Variants in ATP11C observed in about 807,000 individuals in gnomAD.
ATP11C encodes phospholipid-transporting ATPase IG.
Under a neutral mutation model 97.4 loss-of-function variants are expected in ATP11C, and 36 were observed. The ratio of observed to expected loss-of-function variants is 0.37; its 90% CI spans 0.28 to 0.49. The LOEUF (loss-of-function observed/expected upper bound fraction) is 0.49. Ranked by LOEUF, ATP11C falls within the 20% of genes least tolerant of loss-of-function variation. The probability of loss-of-function intolerance (pLI) is 0.98; values close to 1 mark genes in which losing one functional copy is unlikely to be tolerated. For missense variants in ATP11C, 730 were observed against 824.6 expected (o/e 0.89, Z 1.40); for synonymous variants, 275 against 290.9 (o/e 0.95, Z 0.56).
At position 139,911,645 on chromosome X, in the gene ATP11C, T is replaced by A. The variant is rs1487045928; in HGVS notation, c.27+20371A>T. Among the ~76,000 whole-genome samples the A allele has an allele frequency of 2.7e-5, 3 of 111,005 alleles. No individual in the cohort carries two copies. The East Asian group carries it at 8.4e-4, about 31-fold the overall frequency. ...ACATACAGTTTTGTGTTTCTATGTA[T>A]ATGCAAATCCTACACACACACACAC... On this transcript the variant is annotated intron_variant, in intron 1 of 29. Transcript: ENST00000682941.
At position 139,788,223 on chromosome X, in the gene ATP11C, C is replaced by A; in HGVS notation, c.1489G>T (p.Asp497Tyr). ...GCTCCTTTCACCAAAGCTATTTCATCTGGTGAAGAGGAGATATAGGTTAAT... is the reference window on the plus strand; with the variant it reads ...GCTCCTTTCACCAAAGCTATTTCATATGGTGAAGAGGAGATATAGGTTAAT... ...AELTYISSSP[D>Y]EIALVKGAKR... Residue 497 changes from aspartate to tyrosine, a missense_variant, in exon 14 of 30, where the codon GAT becomes TAT. Physicochemically the swap from Asp to Tyr is radical, Grantham distance 160. Coordinates refer to ENST00000682941, the MANE Select transcript of ATP11C (RefSeq NM_001353812.2). 8.3e-7 allele frequency: 1 copy of A among 1,207,038 alleles called. No homozygotes were observed. Among genetic ancestry groups the A allele is most frequent in the Non-Finnish European group, 1.1e-6 (1 of 892,819 alleles).
intron 1 of ATP11C, among the ~76,000 whole-genome samples, chrX:139,919,931 AAAAAG>A (rs1025731945): frequency 8.0e-5 from 9 of 111,897 alleles, no homozygotes; most frequent in Non-Finnish European, 1.7e-4. Context: ...TAAAAAAATA[AAAAAG>A]AAAGGACAAA....
chrX:139,729,592 T>A, intron 29 of ATP11C, among the ~76,000 whole-genome samples: 1 of 112,064 alleles, frequency 8.9e-6, no homozygotes, highest in Non-Finnish European at 1.9e-5. Context: ...TTATGCTTCA[T>A]CTTTTTGGAA....
chrX:139,736,989 G>A (rs1173630785), intron 28 of ATP11C, among the ~76,000 whole-genome samples: 3 of 111,303 alleles, frequency 2.7e-5, no homozygotes, highest in African/African-American at 6.5e-5. Context: ...AAATCATGAT[G>A]TAACAGTTTT....
chrX:139,830,086 A>T (rs2083613391), intron 1 of ATP11C, among the ~76,000 whole-genome samples: 1 of 112,266 alleles, frequency 8.9e-6, no homozygotes, highest in African/African-American at 3.2e-5. Flanking sequence ...TGGCAAAAGG[A>T]TCTGAAATAA....
In ATP11C at chrX:139,910,473, G is replaced by A. The variant is rs1410881187; in HGVS notation, c.27+21543C>T. 2.7e-5 allele frequency among the ~76,000 whole-genome samples: 3 copies of A among 110,047 alleles called. No homozygotes were observed. The East Asian group carries it at 8.6e-4, about 31-fold the overall frequency. ...TACAAAAAATTAGCCGGGCATGGTG[G>A]CAGGTGCCTACAATCCCAGCTACTC... On this transcript the variant is annotated intron_variant, in intron 1 of 29. Transcript: ENST00000682941.
intron 19 of ATP11C, among the ~76,000 whole-genome samples, chrX:139,771,329 G>C (rs941869817): frequency 3.5e-4 from 39 of 111,686 alleles, no homozygotes; most frequent in African/African-American, 1.3e-3. Context: ...ATGTGGAACT[G>C]TAAGTCCAAT....
At chrX:139,851,442 A>G (rs147205287) in intron 1 of ATP11C, among the ~76,000 whole-genome samples, 1,237 of 112,629 alleles carry the variant, frequency 0.011, 8 homozygotes, top group Middle Eastern at 0.018. Flanking sequence ...GAGACTTGTC[A>G]GAGGGGTGGA....
In ATP11C at chrX:139,774,950, T is replaced by C. The variant is rs2082321212; in HGVS notation, c.1956A>G (p.Leu652=). Residue 652 remains leucine, a synonymous_variant, in exon 19 of 30, where the codon CTA becomes CTG. Coordinates refer to ENST00000682941, the MANE Select transcript of ATP11C (RefSeq NM_001353812.2). Reference sequence around the variant, plus strand: ...CAATGGTCTCTGCAGCTTGATCTTGTAGCCTGGGAACACAAAAGAAACCTT... The same window carrying C: ...CAATGGTCTCTGCAGCTTGATCTTGCAGCCTGGGAACACAAAAGAAACCTT... ...LIGATAVEDK[L]QDQAAETIEA... 10 of 1,195,496 alleles carry C rather than the reference T, an allele frequency of 8.4e-6. No homozygotes were observed. The highest frequency in any genetic ancestry group is 1.9e-5 in the South Asian group (1 of 53,728).
Position 139,737,853 on chromosome X carries a change from A to G in ATP11C, c.3288+63T>C. On this transcript the variant is annotated intron_variant, in intron 28 of 29. Transcript: ENST00000682941. The stretch of plus-strand genomic sequence containing the variant: ...ATGTAATTTTCTAAATCAGGTTTTT[A>G]GCTCATGGCAGATATTGAGGCCCCT... The G allele has an allele frequency of 2.7e-6, 3 of 1,094,188 alleles. 1 individual carries two copies. In the South Asian group the frequency reaches 5.8e-5, roughly 21 times the overall value. 90.2% of individuals were successfully genotyped at this position (1,094,188 alleles called of 1,213,427 possible). A position where few individuals can be genotyped will look rare whatever the true frequency, so the allele number is the denominator to read the frequency against.
chrX:139,909,874 A>T (rs2085045165), intron 1 of ATP11C: 4 of 111,753 alleles, frequency 3.6e-5, no homozygotes, highest in Non-Finnish European at 7.5e-5. Context: ...AGAGAAAGAG[A>T]AGTAGGAGTA....
intron 23 of ATP11C, among the ~76,000 whole-genome samples, chrX:139,756,478 T>C (rs2081937040): frequency 8.9e-6 from 1 of 112,007 alleles, no homozygotes; most frequent in African/African-American, 3.2e-5. Flanking sequence ...TTACTGGGTA[T>C]ATACCCAAAG....
chrX:139,804,348 A>C, intron 6 of ATP11C, 123 bp downstream of exon 6: 1 of 550,559 alleles, frequency 1.8e-6, no homozygotes, highest in South Asian at 7.2e-5. Flanking sequence ...AGCTCTTTTC[A>C]AATATAAAAC....
intron 1 of ATP11C, among the ~76,000 whole-genome samples, chrX:139,878,224 C>T (rs1018002777): frequency 2.7e-5 from 3 of 111,355 alleles, no homozygotes; most frequent in Non-Finnish European, 5.6e-5. Context: ...GCAAATAATG[C>T]ACAGACAAAG....
chrX:139,915,495 C>T (rs1314038180), intron 1 of ATP11C, among the ~76,000 whole-genome samples: 1 of 109,951 alleles, frequency 9.1e-6, no homozygotes, highest in Non-Finnish European at 1.9e-5. Context: ...CACAGTGAAA[C>T]CCTGACTCTA....
chrX:139,850,249 G>A (rs937229859), intron 1 of ATP11C, among the ~76,000 whole-genome samples: 1 of 111,236 alleles, frequency 9.0e-6, no homozygotes. Flanking sequence ...ATTCTGATGA[G>A]GGCTCGGAAG....
intron 1 of ATP11C, among the ~76,000 whole-genome samples, chrX:139,925,809 A>G (rs930028872): frequency 2.7e-5 from 3 of 112,060 alleles, no homozygotes; most frequent in Non-Finnish European, 3.8e-5. Context: ...TTAAATACAT[A>G]TGGCACAAGA....
chrX:139,837,595 A>C (rs779462700), intron 1 of ATP11C, among the ~76,000 whole-genome samples: 2 of 112,767 alleles, frequency 1.8e-5, no homozygotes, highest in South Asian at 7.3e-4. Context: ...AATGTTCTAC[A>C]TGCTGTCAAA....
intron 5 of ATP11C, among the ~76,000 whole-genome samples, chrX:139,814,510 AAAATG>A (rs2083243890): frequency 8.9e-6 from 1 of 112,384 alleles, no homozygotes; most frequent in Non-Finnish European, 1.9e-5. Flanking sequence ...GTGAATAAAT[AAAATG>A]AAATGTTATT....
Sources: gnomAD v4.1 joint callset for allele counts (sites outside exome capture counted in the v4.1 genomes callset) on GRCh38, gnomAD v4.1.1 for gene constraint, MANE v1.5 for transcripts, NCBI Gene and HGNC (gene_info 2026-07-23, HGNC 2026-07-21) for gene names.